KIZ: variants seen among roughly 807,000 people sequenced by gnomAD.
The protein encoded by KIZ is centrosomal protein kizuna.
Under a neutral mutation model 79.6 loss-of-function variants are expected in KIZ, and 68 were observed. That is an observed-to-expected ratio of 0.85 (90% CI 0.70 to 1.05). KIZ has a LOEUF of 1.05. Among genes scored for constraint, KIZ ranks in the 50% least tolerant of loss-of-function variants. The probability of loss-of-function intolerance (pLI) is 0.00; values close to 1 mark genes in which losing one functional copy is unlikely to be tolerated. For missense variants in KIZ, 797 were observed against 800.4 expected (o/e 1.00, Z 0.05); for synonymous variants, 280 against 281.8 (o/e 0.99, Z 0.06).
At chr20:21,168,451 G>A (rs1203958564) in intron 6 of KIZ, among the ~76,000 whole-genome samples, 2 of 152,252 alleles carry the variant, frequency 1.3e-5, no homozygotes, top group South Asian at 2.1e-4. Context: ...ACAAATGGAA[G>A]AACATTCCAT....
At chr20:21,187,980 A>G (rs1245019508) in intron 6 of KIZ, among the ~76,000 whole-genome samples, 1 of 152,226 alleles carries the variant, frequency 6.6e-6, no homozygotes. Context: ...AGGCCCCAGA[A>G]GTAAGTTTCT....
intron 3 of KIZ, among the ~76,000 whole-genome samples, chr20:21,143,889 GTATT>G (rs1568916172): frequency 6.6e-6 from 1 of 152,090 alleles, no homozygotes; most frequent in Non-Finnish European, 1.5e-5. Context: ...AGAGAACAAA[GTATT>G]TTTTGATGGA....
chr20:21,129,147 T>C (rs1334949786), intron 1 of KIZ, among the ~76,000 whole-genome samples: 1 of 152,168 alleles, frequency 6.6e-6, no homozygotes, highest in African/African-American at 2.4e-5. Flanking sequence ...CATGGAGGGC[T>C]CAGCATTCTG....
intron 3 of KIZ, among the ~76,000 whole-genome samples, chr20:21,144,972 G>A (rs1431985083): frequency 2.0e-5 from 3 of 152,134 alleles, no homozygotes; most frequent in African/African-American, 7.2e-5. Context: ...TGGTGATGAT[G>A]CAGACATCTT....
chr20:21,166,607 C>G, intron 6 of KIZ: 1 of 1,141,720 alleles, frequency 8.8e-7, no homozygotes, highest in Non-Finnish European at 1.3e-6. Flanking sequence ...TGTGGCGGTG[C>G]GGAAAGAGCT....
At chr20:21,208,768 C>G (rs1265833228) in intron 7 of KIZ, among the ~76,000 whole-genome samples, 2 of 151,900 alleles carry the variant, frequency 1.3e-5, no homozygotes, top group Non-Finnish European at 2.9e-5. Flanking sequence ...AAGAAATGCA[C>G]AGCCCCAAAG....
At chr20:21,238,350 AGAGT>A (rs1569005666) in intron 11 of KIZ, among the ~76,000 whole-genome samples, 8 of 79,354 alleles carry the variant, frequency 1.0e-4, no homozygotes, top group Non-Finnish European at 2.6e-4. Flanking sequence ...AGAGAGAGAG[AGAGT>A]GTGTGTGTGT....
chr20:21,189,792 C>T (rs1479257306), intron 6 of KIZ, among the ~76,000 whole-genome samples: 4 of 152,074 alleles, frequency 2.6e-5, no homozygotes, highest in African/African-American at 4.8e-5. Context: ...AGAGAAGGAG[C>T]GTTGTTTGCT....
intron 6 of KIZ, among the ~76,000 whole-genome samples, chr20:21,180,759 TA>T (rs1489671041): frequency 2.0e-5 from 3 of 152,090 alleles, no homozygotes; most frequent in African/African-American, 7.2e-5. Flanking sequence ...ACAGGCCAGG[TA>T]TAGGTACTCC....
chr20:21,136,424 C>T lies in KIZ; in HGVS notation c.187C>T (p.Leu63=), dbSNP rs1316016689. The change falls in exon 3 of 13, where the codon CTG becomes TTG. Residue 63 remains leucine (L), a synonymous_variant. Coordinates refer to ENST00000619189, the MANE Select transcript of KIZ (RefSeq NM_018474.6). ...GAAATATGTAAAACTAAAGAATTATCTGAAGGAAATATGTGAATCTGAAAA... is the reference window on the plus strand; with the variant it reads ...GAAATATGTAAAACTAAAGAATTATTTGAAGGAAATATGTGAATCTGAAAA... ...KLKYVKLKNY[L]KEICESEKKA... 3 of 1,557,266 alleles carry T rather than the reference C, an allele frequency of 1.9e-6. No homozygotes were observed. Among genetic ancestry groups the T allele is most frequent in the East Asian group, 2.3e-5 (1 of 43,936 alleles).
intron 6 of KIZ, chr20:21,166,164 T>TTTTTCATGAGG: frequency 1.1e-6 from 1 of 926,894 alleles, no homozygotes; most frequent in East Asian, 2.5e-5. Context: ...TTTTTTTTTT[T>TTTTTCATGAGG]GTCCATGAGG....
chr20:21,211,550 G>A (rs2036068325), intron 7 of KIZ, among the ~76,000 whole-genome samples: 1 of 152,134 alleles, frequency 6.6e-6, no homozygotes, highest in Admixed American at 6.5e-5. Context: ...AAAGCCTGTG[G>A]TAAAATTGTT....
intron 9 of KIZ, among the ~76,000 whole-genome samples, chr20:21,226,612 C>A (rs563778072): frequency 8.5e-5 from 13 of 152,338 alleles, no homozygotes; most frequent in Non-Finnish European, 1.6e-4. Context: ...TCTGCCCTCT[C>A]CCGCAACTTT....
chr20:21,145,859 A>G (rs1434163846), intron 4 of KIZ, among the ~76,000 whole-genome samples: 1 of 152,210 alleles, frequency 6.6e-6, no homozygotes, highest in Non-Finnish European at 1.5e-5. Flanking sequence ...CTTTGTGAAG[A>G]AAGGATAGAC....
intron 2 of KIZ, among the ~76,000 whole-genome samples, chr20:21,135,379 G>A (rs1370490230): frequency 1.3e-5 from 2 of 152,200 alleles, no homozygotes; most frequent in Non-Finnish European, 2.9e-5. Flanking sequence ...AAAATGCAGA[G>A]ACATGGGCAG....
At position 21,163,073 on chromosome 20, in the gene KIZ, C is replaced by T. The variant is rs1390708305; in HGVS notation, c.1266C>T (p.Ala422=). The change falls in exon 6 of 13, where the codon GCC becomes GCT. Residue 422 remains alanine, a synonymous_variant. Transcript: ENST00000619189. ...KLIHAEQERV[A]LSTEKNCILQ... ...TCCATGCTGAGCAAGAAAGAGTTGC[C>T]CTATCCACTGAAAAAAATTGTATTT... 1 of 1,613,490 alleles carries T rather than the reference C, an allele frequency of 6.2e-7. No individual in the cohort carries two copies. The highest frequency in any genetic ancestry group is 1.3e-5 in the African/African-American group (1 of 74,970).
chr20:21,172,374 G>A (rs554380159), intron 6 of KIZ, among the ~76,000 whole-genome samples: 3 of 152,140 alleles, frequency 2.0e-5, no homozygotes, highest in Non-Finnish European at 4.4e-5. Flanking sequence ...AGGCTGAGGC[G>A]AATGGATTGT....
intron 6 of KIZ, among the ~76,000 whole-genome samples, chr20:21,185,837 G>A (rs1464899299): frequency 1.3e-5 from 2 of 151,650 alleles, no homozygotes; most frequent in East Asian, 1.9e-4. Flanking sequence ...TCAGCCTCCC[G>A]AGTAACTGGG....
intron 6 of KIZ, chr20:21,194,695 T>G (rs1488195421): frequency 6.6e-6 from 1 of 152,106 alleles, no homozygotes; most frequent in Admixed American, 6.5e-5. Context: ...ACAACCATTA[T>G]AAAAATACTG....
Sources: gnomAD v4.1 joint callset for allele counts (sites outside exome capture counted in the v4.1 genomes callset) on GRCh38, gnomAD v4.1.1 for gene constraint, MANE v1.5 for transcripts, NCBI Gene and HGNC (gene_info 2026-07-23, HGNC 2026-07-21) for gene names.